VBP1: variants seen among roughly 807,000 people sequenced by gnomAD.
The protein encoded by VBP1 is prefoldin subunit 3.
Under a neutral mutation model 15.5 loss-of-function variants are expected in VBP1, and 4 were observed. The ratio of observed to expected loss-of-function variants is 0.26; its 90% CI spans 0.13 to 0.59. The LOEUF is 0.59. Ranked by LOEUF, VBP1 falls within the 20% of genes least tolerant of loss-of-function variation. The pLI, the probability that VBP1 is intolerant of heterozygous loss-of-function variation, is 0.90. For missense variants in VBP1, 108 were observed against 139.6 expected (o/e 0.77, Z 1.14); for synonymous variants, 61 against 52.1 (o/e 1.17, Z -0.74).
chrX:155,217,942 C>A (rs1557309222), intron 1 of VBP1, among the ~76,000 whole-genome samples: 1 of 111,021 alleles, frequency 9.0e-6, no homozygotes, highest in East Asian at 2.8e-4. Context: ...CATGAATCGC[C>A]CTACTTCTCC....
chrX:155,222,110 T>G (rs2074692124), intron 2 of VBP1, among the ~76,000 whole-genome samples: 1 of 112,671 alleles, frequency 8.9e-6, no homozygotes, highest in Admixed American at 9.3e-5. Flanking sequence ...GCTTTTGTGA[T>G]AGTAAAAGTT....
At chrX:155,206,656 A>G (rs968776440) in intron 1 of VBP1, among the ~76,000 whole-genome samples, 2 of 110,880 alleles carry the variant, frequency 1.8e-5, no homozygotes, top group African/African-American at 3.3e-5. Flanking sequence ...GATGAAATCA[A>G]CTAGGGGTGA....
intron 1 of VBP1, 30 bp downstream of exon 1, chrX:155,216,605 G>A: frequency 1.7e-6 from 2 of 1,167,128 alleles, no homozygotes; most frequent in South Asian, 3.8e-5. Context: ...CTGGCATCTT[G>A]GCTTGAGGCC....
At chrX:155,208,630 A>G (rs1371918404) in intron 1 of VBP1, among the ~76,000 whole-genome samples, 5 of 111,606 alleles carry the variant, frequency 4.5e-5, no homozygotes, top group Non-Finnish European at 9.4e-5. Flanking sequence ...GCTTTTCAAT[A>G]ACTATTCTTT....
intron 2 of VBP1, among the ~76,000 whole-genome samples, chrX:155,209,370 C>G (rs1557308340): frequency 8.9e-6 from 1 of 111,993 alleles, no homozygotes; most frequent in African/African-American, 3.2e-5. Flanking sequence ...TAAAAATAGA[C>G]AGAGAGTTAA....
At chrX:155,214,831 C>T (rs974207336), upstream of VBP1, among the ~76,000 whole-genome samples, 2 of 95,662 alleles carry the variant, frequency 2.1e-5, no homozygotes, top group African/African-American at 8.5e-5. Flanking sequence ...TTAGTGTACT[C>T]TTGGAAAAGC....
chrX:155,211,447 C>T lies in VBP1; in HGVS notation c.78+2466C>T, dbSNP rs1375809321. Among the ~76,000 whole-genome samples, 3 of 111,596 alleles carry T rather than the reference C, an allele frequency of 2.7e-5. No individual in the cohort carries two copies. The Admixed American group carries it at 2.8e-4, about 11-fold the overall frequency. ...TCAGTTATCAAGCTCAGTGTGAGGCCCAGAGAAGCAAAGGCAAGAGAAACA... is the reference window on the plus strand; with the variant it reads ...TCAGTTATCAAGCTCAGTGTGAGGCTCAGAGAAGCAAAGGCAAGAGAAACA... On this transcript the variant is annotated intron_variant, in intron 2 of 6. Transcript: ENST00000535916.
At chrX:155,235,969 G>T (rs1557311507) in intron 4 of VBP1, among the ~76,000 whole-genome samples, 2 of 111,907 alleles carry the variant, frequency 1.8e-5, no homozygotes, top group African/African-American at 6.5e-5. Context: ...TTAACCAAGG[G>T]GTCAGCAAAC....
chrX:155,231,590 G>T (rs1381898074), intron 4 of VBP1, among the ~76,000 whole-genome samples: 1 of 112,396 alleles, frequency 8.9e-6, no homozygotes, highest in African/African-American at 3.2e-5. Flanking sequence ...CATGCTAATG[G>T]TTCAAAGAGC....
At chrX:155,237,410 C>T (rs1875431137) in intron 5 of VBP1, among the ~76,000 whole-genome samples, 1 of 112,071 alleles carries the variant, frequency 8.9e-6, no homozygotes, top group Admixed American at 9.4e-5. Context: ...TCCTCTCATT[C>T]CATCTGTCCT....
chrX:155,228,290 A>G, intron 3 of VBP1, 94 bp from the exon 4 acceptor site: 1 of 665,841 alleles, frequency 1.5e-6, no homozygotes, highest in Non-Finnish European at 2.3e-6. Context: ...TACTGTTTTA[A>G]ATGTCCTAGG....
chrX:155,203,353 AC>A (rs2074613433), intron 1 of VBP1, among the ~76,000 whole-genome samples: 1 of 110,959 alleles, frequency 9.0e-6, no homozygotes, highest in African/African-American at 3.3e-5. Context: ...AAGACTTGGA[AC>A]CAACCCAGAT....
Position 155,216,503 on chromosome X carries a change from T to C in VBP1, c.21T>C (p.Ser7=). Residue 7 remains serine (S), a synonymous_variant, in exon 1 of 6, where the codon AGT becomes AGC. Transcript: ENST00000286428. Reference sequence around the variant, plus strand: ...CCAAGATGGCGGCCGTTAAGGACAGTTGTGGCAAAGGAGAAATGGCCACAG... The same window carrying C: ...CCAAGATGGCGGCCGTTAAGGACAGCTGTGGCAAAGGAGAAATGGCCACAG... The part of the protein sequence containing the change: MAAVKD[S]CGKGEMATGN... The C allele has an allele frequency of 8.5e-7, 1 of 1,170,302 alleles. No individual in the cohort carries two copies. Among genetic ancestry groups the C allele is most frequent in the Non-Finnish European group, 1.1e-6 (1 of 874,068 alleles).
chrX:155,203,482 T>C (rs782371444), intron 1 of VBP1, among the ~76,000 whole-genome samples: 12 of 108,710 alleles, frequency 1.1e-4, no homozygotes, highest in Middle Eastern at 4.7e-3. Context: ...AAATTGGAAA[T>C]CATCATTCTC....
chrX:155,197,207 G>C lies in VBP1; in HGVS notation c.-31+68G>C, dbSNP rs781899621. 1.2e-4 allele frequency: 13 copies of C among 111,779 alleles called. No individual in the cohort carries two copies. In the South Asian group the frequency reaches 4.8e-3, roughly 41 times the overall value. The allele number at this position is 111,779 out of a possible 1,213,427, so 9.2% of individuals were successfully genotyped here. A position where few individuals can be genotyped will look rare whatever the true frequency, so the allele number is the denominator to read the frequency against. ...GTTATTGTTTTGTTTATGCAGTACAGAAAAGTCACAACTCTTTCTTTCTTA... is the reference window on the plus strand; with the variant it reads ...GTTATTGTTTTGTTTATGCAGTACACAAAAGTCACAACTCTTTCTTTCTTA... On this transcript the variant is annotated intron_variant, in intron 1 of 6. Transcript: ENST00000535916.
At chrX:155,200,821 G>C (rs1557307328) in intron 1 of VBP1, among the ~76,000 whole-genome samples, 1 of 110,935 alleles carries the variant, frequency 9.0e-6, no homozygotes, top group Non-Finnish European at 1.9e-5. Flanking sequence ...GAATCCAGGA[G>C]ATGGTTTTTT....
chrX:155,202,445 A>G (rs2074608395), intron 1 of VBP1, among the ~76,000 whole-genome samples: 2 of 111,453 alleles, frequency 1.8e-5, no homozygotes, highest in Non-Finnish European at 3.8e-5. Flanking sequence ...GCTCTCAGAA[A>G]TAACGCCGCA....
chrX:155,201,096 C>T (rs1363204620), intron 1 of VBP1, among the ~76,000 whole-genome samples: 12 of 108,753 alleles, frequency 1.1e-4, no homozygotes, highest in East Asian at 5.7e-4. Context: ...AATAACAGGC[C>T]CTGAAATTGT....
intron 2 of VBP1, chrX:155,209,073 C>T (rs1557308317): frequency 1.2e-6 from 1 of 815,699 alleles, no homozygotes. Context: ...TGCAACATAG[C>T]CATCTTTTGT....
Sources: gnomAD v4.1 joint callset for allele counts (sites outside exome capture counted in the v4.1 genomes callset) on GRCh38, gnomAD v4.1.1 for gene constraint, MANE v1.5 for transcripts, NCBI Gene and HGNC (gene_info 2026-07-23, HGNC 2026-07-21) for gene names.